METTL6: variants seen among roughly 807,000 people sequenced by gnomAD.
METTL6 encodes the protein methyltransferase 6, tRNA N3-cytidine.
METTL6 carries 22 observed loss-of-function variants against 26.4 expected under a neutral mutation model. The observed-to-expected ratio is 0.83, with a 90% CI of 0.59 to 1.19. The LOEUF (loss-of-function observed/expected upper bound fraction) is 1.19. Ranked by LOEUF, METTL6 falls within the 50% of genes most tolerant of loss-of-function variation. METTL6 has a pLI of 0.00. For synonymous variants in METTL6, 109 were observed against 116.2 expected (o/e 0.94, Z 0.40); for missense variants, 304 against 324.8 (o/e 0.94, Z 0.49).
chr3:15,412,518 C>T (rs187190418), intron 5 of METTL6, among the ~76,000 whole-genome samples: 1 of 152,032 alleles, frequency 6.6e-6, no homozygotes, highest in Admixed American at 6.6e-5. Context: ...GGCTTCTCGC[C>T]CTGTCGCCCA....
intron 4 of METTL6, chr3:15,415,550 A>C: frequency 6.3e-7 from 1 of 1,599,992 alleles, no homozygotes; most frequent in Non-Finnish European, 8.5e-7. Flanking sequence ...TCCTTGTCCC[A>C]GGGCTGGCGA....
chr3:15,418,829 G>A (rs1462083903), intron 3 of METTL6, among the ~76,000 whole-genome samples: 3 of 152,090 alleles, frequency 2.0e-5, no homozygotes, highest in Non-Finnish European at 4.4e-5. Flanking sequence ...CCAAGAGTTC[G>A]AGAGCAGCCT....
chr3:15,408,359 A>C (rs1699857818), downstream of METTL6, among the ~76,000 whole-genome samples: 1 of 152,180 alleles, frequency 6.6e-6, no homozygotes, highest in Non-Finnish European at 1.5e-5. Flanking sequence ...TGTTCAAAAA[A>C]TGAGGACTGA....
At position 15,410,193 on chromosome 3, in the gene METTL6, C is replaced by T. The variant is rs1699912085; in HGVS notation, c.*1063G>A. Among the ~76,000 whole-genome samples, 1 of 152,076 alleles carries T rather than the reference C, an allele frequency of 6.6e-6. No individual in the cohort carries two copies. Among genetic ancestry groups the T allele is most frequent in the African/African-American group, 2.4e-5 (1 of 41,400 alleles). On this transcript the variant is annotated 3_prime_UTR_variant, in exon 6 of 6. Coordinates refer to ENST00000383790, the MANE Select transcript of METTL6 (RefSeq NM_152396.4). ...ATACAAAAAGTACATAGTAGCCCCCCGTATCTGCGGGTGGTATGTTTCAAG... is the reference window on the plus strand; with the variant it reads ...ATACAAAAAGTACATAGTAGCCCCCTGTATCTGCGGGTGGTATGTTTCAAG...
At chr3:15,417,107 T>C (rs979093762) in intron 3 of METTL6, among the ~76,000 whole-genome samples, 1 of 152,070 alleles carries the variant, frequency 6.6e-6, no homozygotes, top group Non-Finnish European at 1.5e-5. Flanking sequence ...AAAGCTGCAG[T>C]GAGCTATGAT....
chr3:15,392,782 G>C (rs1358153346), intron 6 of METTL6, among the ~76,000 whole-genome samples: 1 of 152,130 alleles, frequency 6.6e-6, no homozygotes, highest in Non-Finnish European at 1.5e-5. Context: ...GTTTTTGTCA[G>C]GTTTGTCAAA....
intron 6 of METTL6, among the ~76,000 whole-genome samples, chr3:15,394,981 T>C (rs1390515691): frequency 2.0e-5 from 3 of 152,242 alleles, no homozygotes; most frequent in East Asian, 1.9e-4. Context: ...ATTCTGTTGA[T>C]TTGGGGTGGA....
At chr3:15,404,842 ACT>A, downstream of METTL6, among the ~76,000 whole-genome samples, 1 of 152,062 alleles carries the variant, frequency 6.6e-6, no homozygotes, top group Non-Finnish European at 1.5e-5. Flanking sequence ...ACTGTGCCCT[ACT>A]AATTTTCTTT....
chr3:15,401,639 C>A (rs1250589643), intron 6 of METTL6, among the ~76,000 whole-genome samples: 3 of 151,702 alleles, frequency 2.0e-5, no homozygotes, highest in African/African-American at 7.3e-5. Context: ...CAAAACCCAC[C>A]AAAACCAAGA....
At chr3:15,422,856 G>C (rs970587932) in intron 3 of METTL6, among the ~76,000 whole-genome samples, 1 of 152,132 alleles carries the variant, frequency 6.6e-6, no homozygotes, top group Non-Finnish European at 1.5e-5. Context: ...ATTGCCTCAT[G>C]ACAGGATGTA....
chr3:15,427,335 C>A, intron 1 of METTL6, 67 bp downstream of exon 1: 1 of 201,942 alleles, frequency 5.0e-6, no homozygotes, highest in South Asian at 6.0e-5. Context: ...ATTTAGTCAG[C>A]CACGCTCAGG....
intron 6 of METTL6, among the ~76,000 whole-genome samples, chr3:15,393,533 G>C (rs1381676746): frequency 6.6e-6 from 1 of 152,154 alleles, no homozygotes; most frequent in Non-Finnish European, 1.5e-5. Flanking sequence ...CCAACACTAT[G>C]TTGAATAGGA....
intron 6 of METTL6, among the ~76,000 whole-genome samples, chr3:15,390,206 T>A (rs1252374738): frequency 6.6e-6 from 1 of 151,870 alleles, no homozygotes; most frequent in Non-Finnish European, 1.5e-5. Flanking sequence ...GGTGGGTGGA[T>A]CACTTGAGGC....
chr3:15,418,040 C>T (rs2061528322), intron 3 of METTL6, among the ~76,000 whole-genome samples: 3 of 152,280 alleles, frequency 2.0e-5, no homozygotes, highest in African/African-American at 7.2e-5. Flanking sequence ...AACAACAAAC[C>T]TCACAGACAG....
In METTL6 at chr3:15,412,661, T is replaced by A. The variant is rs997865721; in HGVS notation, c.674-1224A>T. 4.6e-5 allele frequency among the ~76,000 whole-genome samples: 7 copies of A among 151,910 alleles called. 1 individual carries two copies. Among genetic ancestry groups the A allele is most frequent in the Non-Finnish European group, 1.5e-5 (1 of 67,958 alleles). ...ACCACTCCTGGCTAATATTTTTTTTTTTTTATTTTTAGTAGAGACAAAGTT... is the reference window on the plus strand; with the variant it reads ...ACCACTCCTGGCTAATATTTTTTTTATTTTATTTTTAGTAGAGACAAAGTT... On this transcript the variant is annotated intron_variant, in intron 5 of 5. Coordinates refer to ENST00000383790, the MANE Select transcript of METTL6 (RefSeq NM_152396.4).
At chr3:15,425,456 T>C (rs1345024050) in intron 2 of METTL6, among the ~76,000 whole-genome samples, 1 of 152,182 alleles carries the variant, frequency 6.6e-6, no homozygotes, top group Admixed American at 6.5e-5. Flanking sequence ...GGTATAAGGG[T>C]CAAATGATAG....
intron 6 of METTL6, among the ~76,000 whole-genome samples, chr3:15,386,359 G>A (rs1156454534): frequency 6.6e-6 from 1 of 152,186 alleles, no homozygotes; most frequent in Non-Finnish European, 1.5e-5. Context: ...CCAAGGGGCA[G>A]AAGCAGGTTT....
chr3:15,392,822 T>C (rs931181044), intron 6 of METTL6, among the ~76,000 whole-genome samples: 1 of 152,212 alleles, frequency 6.6e-6, no homozygotes, highest in African/African-American at 2.4e-5. Context: ...TGTGGCATTA[T>C]TTCTGAGGGC....
Position 15,425,069 on chromosome 3 carries a change from T to A in METTL6, c.246A>T (p.Thr82=). The A allele has an allele frequency of 6.2e-7, 1 of 1,614,162 alleles. No homozygotes were observed. Among genetic ancestry groups the A allele is most frequent in the African/African-American group, 1.3e-5 (1 of 75,054 alleles). The change falls in exon 3 of 6, where the codon ACA becomes ACT. Residue 82 remains threonine, a synonymous_variant. Transcript: ENST00000383790. ...SCREFEDQKL[T]MLEAGCGVGN... ...CAACCCCACAGCCAGCTTCAAGCATTGTTAACTTTTGATCTTCAAACTGGG... is the reference window on the plus strand; with the variant it reads ...CAACCCCACAGCCAGCTTCAAGCATAGTTAACTTTTGATCTTCAAACTGGG...
Sources: gnomAD v4.1 joint callset for allele counts (sites outside exome capture counted in the v4.1 genomes callset) on GRCh38, gnomAD v4.1.1 for gene constraint, MANE v1.5 for transcripts, NCBI Gene and HGNC (gene_info 2026-07-23, HGNC 2026-07-21) for gene names.